ADGRF1: variants seen among roughly 807,000 people sequenced by gnomAD.
ADGRF1 encodes adhesion G protein-coupled receptor F1, also known as G protein-coupled receptor 110.
A neutral mutation model predicts 87.2 loss-of-function variants in ADGRF1; 85 were observed. The observed-to-expected ratio is 0.97, with a 90% CI of 0.82 to 1.17. ADGRF1 has a LOEUF of 1.17. ADGRF1 is among the 50% of genes most tolerant of loss of function. The pLI is 0.00. For synonymous variants in ADGRF1, 430 were observed against 408.8 expected (o/e 1.05, Z -0.63); for missense variants, 1,169 against 1,077.2 (o/e 1.09, Z -1.19).
rs1354931673 is a variant in ADGRF1, at chr6:47,014,745, T to A, written c.863A>T (p.Glu288Val). The change falls in exon 9 of 15, where the codon GAG becomes GTG. Residue 288 changes from glutamate (E) to valine (V), a missense_variant. Glu to Val is a moderately radical substitution (Grantham distance 121). Coordinates refer to ENST00000371253, the MANE Select transcript of ADGRF1 (RefSeq NM_153840.4). ...CCTGATGACCTGCCACCCAGAGGAC[T>A]CACACTTGGCTGTGATGTTTCCCCT... is the stretch of plus-strand genomic sequence containing the variant. ...GYRGNITAKCESSGWQVIRET... is the reference protein window; with the variant it reads ...GYRGNITAKCVSSGWQVIRET... 1 of 1,613,804 alleles carries A rather than the reference T, an allele frequency of 6.2e-7. No individual in the cohort carries two copies. Among genetic ancestry groups the A allele is most frequent in the African/African-American group, 1.3e-5 (1 of 74,876 alleles).
Position 47,008,960 on chromosome 6 carries a change from T to G in ADGRF1, c.2475A>C (p.Leu825Phe). The change falls in exon 11 of 15, where the codon TTA (leucine) becomes TTC (phenylalanine). Residue 825 changes from leucine (L) to phenylalanine (F), a missense_variant. By Grantham distance (22) the Leu-to-Phe change is conservative. Coordinates refer to ENST00000371253, the MANE Select transcript of ADGRF1 (RefSeq NM_153840.4). Reference protein sequence around the residue: ...QNLAWHVIFALLNAFQGFFIL... With the variant: ...QNLAWHVIFAFLNAFQGFFIL... ...CTGTTCTCACCTGGAATGCATTGAG[T>G]AAAGCAAAAATAACATGCCAAGCCA... The G allele has an allele frequency of 1.2e-6, 2 of 1,600,586 alleles. No individual in the cohort carries two copies. The highest frequency in any genetic ancestry group is 1.7e-6 in the Non-Finnish European group (2 of 1,171,126).
Position 47,009,988 on chromosome 6 carries a change from C to T in ADGRF1, c.1447G>A (p.Ala483Thr). 1 of 1,614,106 alleles carries T rather than the reference C, an allele frequency of 6.2e-7. No homozygotes were observed. The highest frequency in any genetic ancestry group is 8.5e-7 in the Non-Finnish European group (1 of 1,179,982). Residue 483 changes from alanine to threonine, a missense_variant, in exon 11 of 15, where the codon GCC (alanine) becomes ACC (threonine). By Grantham distance (58) the Ala-to-Thr change is moderately conservative. Transcript: ENST00000371253. Reference protein sequence around the residue: ...RSLPETIISMASLTLGNILPV... With the variant: ...RSLPETIISMTSLTLGNILPV... ...AGAATGTTCCCCAGAGTCAACGAGG[C>T]CATGCTGATAATAGTTTCTGGAAGG...
rs1176757587 is a variant in ADGRF1, at chr6:47,025,855, T to A, written c.276A>T (p.Thr92=). Residue 92 remains threonine, a splice_region_variant and synonymous_variant, in exon 4 of 15, where the codon ACA becomes ACT. Transcript: ENST00000371253. ...LIRIIRAKAT[T]DCNSLNGVLQ... is the part of the protein sequence containing the mutation. ...TCCAGTCACCGAGAGCCACCTTACC[T>A]GTGGTAGCCTTTGCTCTGATAATTC... is the stretch of plus-strand genomic sequence containing the variant. 6.3e-7 allele frequency: 1 copy of A among 1,575,130 alleles called. No homozygotes were observed. Among genetic ancestry groups the A allele is most frequent in the Non-Finnish European group, 8.7e-7 (1 of 1,155,284 alleles).
chr6:47,008,600 A>G (rs1184345866), intron 11 of ADGRF1, among the ~76,000 whole-genome samples: 2 of 152,178 alleles, frequency 1.3e-5, no homozygotes, highest in East Asian at 1.9e-4. Context: ...TTCAGAGTCA[A>G]CAAGTACTTA....
rs572686616 is a variant in ADGRF1 at position 47,009,396 on chromosome 6, A to G, written c.2039T>C (p.Ile680Thr). 15 of 1,614,078 alleles carry G rather than the reference A, an allele frequency of 9.3e-6. No individual in the cohort carries two copies. In the East Asian group the frequency reaches 2.0e-4, roughly 22 times the overall value. ...SLFFWMLMLG[I>T]LLAYRIILVF... Reference sequence around the variant, plus strand: ...GAGGATGATCCGGTAAGCCAGCAGGATGCCAAGCATGAGCATCCAGAAGAA... The same window carrying G: ...GAGGATGATCCGGTAAGCCAGCAGGGTGCCAAGCATGAGCATCCAGAAGAA... Residue 680 changes from isoleucine (I) to threonine (T), a missense_variant, in exon 11 of 15, where the codon ATC becomes ACC. Ile to Thr is a moderately conservative substitution (Grantham distance 89). Coordinates refer to ENST00000371253, the MANE Select transcript of ADGRF1 (RefSeq NM_153840.4).
intron 1 of ADGRF1, among the ~76,000 whole-genome samples, chr6:47,039,998 T>G (rs1780691309): frequency 6.6e-6 from 1 of 151,568 alleles, no homozygotes; most frequent in Admixed American, 6.6e-5. Flanking sequence ...ATAAATAAAA[T>G]AAAATAAAAC....
chr6:47,036,125 G>A (rs1052834661), intron 1 of ADGRF1, among the ~76,000 whole-genome samples: 1 of 152,108 alleles, frequency 6.6e-6, no homozygotes, highest in Admixed American at 6.5e-5. Flanking sequence ...CAGCTACTTG[G>A]GAGCTGAGGT....
intron 1 of ADGRF1, among the ~76,000 whole-genome samples, chr6:47,035,038 G>A (rs979059099): frequency 2.6e-5 from 4 of 152,194 alleles, no homozygotes; most frequent in South Asian, 2.1e-4. Context: ...TTAGCTCATT[G>A]CTCAGTATGC....
chr6:47,009,682 C>A lies in ADGRF1; in HGVS notation c.1753G>T (p.Val585Leu). ...AGTCCCACATAGGTGATCCATTTTA[C>A]AACGGGGAAGATTGTAGAGGGGACA... ...PFVPSTIFPV[V>L]KWITYVGLGI... The change falls in exon 11 of 15, where the codon GTA becomes TTA. Residue 585 changes from valine (V) to leucine (L), a missense_variant. Transcript: ENST00000371253. 1 of 1,614,118 alleles carries A rather than the reference C, an allele frequency of 6.2e-7. No homozygotes were observed. The highest frequency in any genetic ancestry group is 8.5e-7 in the Non-Finnish European group (1 of 1,180,014).
chr6:47,029,759 T>C (rs1561880212), intron 1 of ADGRF1, among the ~76,000 whole-genome samples: 1 of 152,344 alleles, frequency 6.6e-6, no homozygotes, highest in Middle Eastern at 3.4e-3. Flanking sequence ...GCTATCTAAA[T>C]TTCAATTACA....
chr6:47,027,771 A>G lies in ADGRF1; in HGVS notation c.70-10T>C. 1.4e-6 allele frequency: 2 copies of G among 1,477,646 alleles called. No homozygotes were observed. The highest frequency in any genetic ancestry group is 1.9e-6 in the Non-Finnish European group (2 of 1,063,174). 91.5% of individuals were successfully genotyped at this position (1,477,646 alleles called of 1,614,324 possible). On this transcript the variant is annotated splice_polypyrimidine_tract_variant and intron_variant, in intron 2 of 14. Transcript: ENST00000371253. ...TGATGCCATCATTTTTCTGTTAAAA[A>G]GAAAAAAAATAGTTACGGTGAGACT...
chr6:47,018,176 T>C (rs1779936672), intron 7 of ADGRF1: 1 of 290,658 alleles, frequency 3.4e-6, no homozygotes, highest in South Asian at 3.5e-5. Flanking sequence ...GAGTCTGGAG[T>C]TCAGGGGAGT....
At chr6:47,018,193 G>C in intron 7 of ADGRF1, 1 of 323,682 alleles carries the variant, frequency 3.1e-6, no homozygotes, top group Non-Finnish European at 5.6e-6. Flanking sequence ...GAGTGCCCGA[G>C]CTCAAGTAAT....
chr6:47,033,429 T>C (rs1329564817), intron 1 of ADGRF1, among the ~76,000 whole-genome samples: 2 of 152,258 alleles, frequency 1.3e-5, no homozygotes, highest in Non-Finnish European at 2.9e-5. Context: ...CAGGCTTAGT[T>C]GAAACTGCTC....
chr6:47,008,137 G>A (rs1779584383), intron 11 of ADGRF1, among the ~76,000 whole-genome samples: 2 of 152,220 alleles, frequency 1.3e-5, no homozygotes. Context: ...CACACAGTTT[G>A]TAAAGTGATG....
At chr6:47,011,651 G>A (rs2113883225) in intron 10 of ADGRF1, among the ~76,000 whole-genome samples, 1 of 152,294 alleles carries the variant, frequency 6.6e-6, no homozygotes, top group South Asian at 2.1e-4. Flanking sequence ...GTGTTATGAA[G>A]GGAGTTCTTA....
At chr6:47,030,179 G>A (rs9472968) in intron 1 of ADGRF1, among the ~76,000 whole-genome samples, 40,322 of 152,102 alleles carry the variant, frequency 0.27, 5,371 homozygotes, top group South Asian at 0.37. Flanking sequence ...GCCGAGAAAA[G>A]GCATTAGAGA....
chr6:47,006,416 T>A (rs954482589), intron 12 of ADGRF1, among the ~76,000 whole-genome samples: 11 of 151,928 alleles, frequency 7.2e-5, no homozygotes, highest in Admixed American at 3.3e-4. Context: ...TATTTAAAAA[T>A]TTTTTTCTAT....
intron 7 of ADGRF1, 50 bp downstream of exon 7, chr6:47,020,681 A>G: frequency 6.2e-7 from 1 of 1,601,082 alleles, no homozygotes; most frequent in Non-Finnish European, 8.6e-7. Flanking sequence ...CTTTTGCAGA[A>G]CTGGTGCCCA....
Sources: allele counts gnomAD v4.1 joint callset (sites outside exome capture counted in the v4.1 genomes callset), GRCh38; gene constraint gnomAD v4.1.1; transcripts MANE v1.5; gene names NCBI Gene and HGNC (gene_info 2026-07-23, HGNC 2026-07-21).